The following LRBA variants were observed in gnomAD, a reference collection of about 807,000 sequenced individuals.
LRBA encodes the protein LPS responsive beige-like anchor protein, also known as lipopolysaccharide-responsive and beige-like anchor protein.
A neutral mutation model predicts 330.0 loss-of-function variants in LRBA; 176 were observed. That is an observed-to-expected ratio of 0.53 (90% CI 0.47 to 0.60). The LOEUF is 0.60. Ranked by LOEUF, LRBA falls within the 20% of genes least tolerant of loss-of-function variation. The pLI is 0.00. For synonymous variants in LRBA, 1,230 were observed against 1,193.0 expected, an observed-to-expected ratio of 1.03 and a Z score of -0.64; for missense variants, 3,259 against 3,444.8, an observed-to-expected ratio of 0.95 and a Z score of 1.35.
At chr4:150,392,113 G>A (rs770705435) in intron 47 of LRBA, among the ~76,000 whole-genome samples, 13 of 151,650 alleles carry the variant, frequency 8.6e-5, no homozygotes, top group Non-Finnish European at 1.5e-4. Context: ...CCAGCTACAC[G>A]GAACTGTTCA....
At chr4:150,706,611 A>T (rs1228924141) in intron 36 of LRBA, among the ~76,000 whole-genome samples, 3 of 151,616 alleles carry the variant, frequency 2.0e-5, no homozygotes, top group East Asian at 3.9e-4. Context: ...AAAAAAAAAA[A>T]TTTAACTTCT....
In LRBA at chr4:150,420,377, A is replaced by G. The variant is rs184053828; in HGVS notation, c.7042-4787T>C. Among the ~76,000 whole-genome samples, 751 of 124,194 alleles carry G rather than the reference A, an allele frequency of 6.0e-3. 19 individuals are homozygous for G. The highest frequency in any genetic ancestry group is 0.023 in the African/African-American group (641 of 28,156). The allele number at this position is 124,194 out of a possible 152,430, so 81.5% of individuals were successfully genotyped here. A position where few individuals can be genotyped will look rare whatever the true frequency, so the allele number is the denominator to read the frequency against. Reference sequence around the variant, plus strand: ...CATTATAGTATAAAGTATATATAATACACATTATAGTATATATAAAGTATA... The same window carrying G: ...CATTATAGTATAAAGTATATATAATGCACATTATAGTATATATAAAGTATA... On this transcript the variant is annotated intron_variant, in intron 46 of 56. Transcript: ENST00000651943.
At chr4:150,913,658 A>C (rs1466718658) in intron 9 of LRBA, among the ~76,000 whole-genome samples, 1 of 152,184 alleles carries the variant, frequency 6.6e-6, no homozygotes, top group Non-Finnish European at 1.5e-5. Flanking sequence ...TGGTGTTGCT[A>C]TCTACTTCTT....
At chr4:150,885,124 A>G (rs1343407829) in intron 17 of LRBA, among the ~76,000 whole-genome samples, 2 of 151,980 alleles carry the variant, frequency 1.3e-5, no homozygotes, top group Non-Finnish European at 2.9e-5. Context: ...CAGAGAAAAA[A>G]ATGGGAACAC....
chr4:150,749,401 G>T (rs959214429), intron 35 of LRBA, among the ~76,000 whole-genome samples: 3 of 151,938 alleles, frequency 2.0e-5, no homozygotes, highest in Non-Finnish European at 1.5e-5. Context: ...GAGACTCCAC[G>T]TCTATTTTTA....
Position 150,265,599 on chromosome 4 carries a change from A to AACTT in LRBA, c.*119_*122dup. 1.5e-6 allele frequency: 1 copy of AACTT among 651,710 alleles called. No individual in the cohort carries two copies. Among genetic ancestry groups the AACTT allele is most frequent in the Non-Finnish European group, 2.7e-6 (1 of 364,334 alleles). The allele number at this position is 651,710 out of a possible 1,614,324, so 40.4% of individuals were successfully genotyped here. On this transcript the variant is annotated 3_prime_UTR_variant, in exon 57 of 57. Coordinates refer to ENST00000651943, the MANE Select transcript of LRBA (RefSeq NM_001364905.1). ...GACTACAAAAATAGCAATTATTAAT[A>AACTT]ACTTTAAAAAATATTTTGCTTCTTT...
intron 22 of LRBA, among the ~76,000 whole-genome samples, chr4:150,856,096 C>T (rs987870456): frequency 1.3e-5 from 2 of 152,168 alleles, no homozygotes; most frequent in Admixed American, 6.5e-5. Flanking sequence ...CTAAGCTCAC[C>T]ATGGTGAACC....
intron 47 of LRBA, among the ~76,000 whole-genome samples, chr4:150,362,656 T>A (rs1434500101): frequency 1.3e-5 from 2 of 152,134 alleles, no homozygotes; most frequent in Non-Finnish European, 2.9e-5. Flanking sequence ...GTCCAGGAAC[T>A]CCTTTTGGCC....
chr4:150,512,951 A>T (rs1761984776), intron 40 of LRBA, among the ~76,000 whole-genome samples: 1 of 152,256 alleles, frequency 6.6e-6, no homozygotes, highest in Non-Finnish European at 1.5e-5. Flanking sequence ...TAATAGTAAC[A>T]TAATAGCTTC....
At chr4:150,674,188 G>GT (rs1782323518) in intron 37 of LRBA, among the ~76,000 whole-genome samples, 2 of 150,436 alleles carry the variant, frequency 1.3e-5, no homozygotes, top group Non-Finnish European at 1.5e-5. Context: ...TTGGTTTTGG[G>GT]GTTTTTTTTT....
chr4:150,631,627 ATTAACACTGAG>A (rs1279669594), intron 37 of LRBA, among the ~76,000 whole-genome samples: 7 of 152,238 alleles, frequency 4.6e-5, no homozygotes, highest in African/African-American at 9.6e-5. Flanking sequence ...CCCAAATGTC[ATTAACACTGAG>A]TTAATACTGG....
At chr4:150,985,278 T>C (rs1169339418) in intron 2 of LRBA, among the ~76,000 whole-genome samples, 2 of 150,914 alleles carry the variant, frequency 1.3e-5, no homozygotes, top group Non-Finnish European at 3.0e-5. Flanking sequence ...AAAAAGCTTA[T>C]ATTTTAAATT....
rs371523545 is a variant in LRBA, at chr4:150,849,033, T to A, written c.4159-35A>T. On this transcript the variant is annotated intron_variant, in intron 25 of 56. Transcript: ENST00000651943. ...ATAAAGTTTGACATTTATATATATA[T>A]ATTCTGAAAAAAAAATTTTACCAGA... The A allele has an allele frequency of 6.3e-6, 9 of 1,438,980 alleles. No homozygotes were observed. The East Asian group carries it at 1.9e-4, about 31-fold the overall frequency. 89.1% of individuals were successfully genotyped at this position (1,438,980 alleles called of 1,614,324 possible).
chr4:150,381,452 T>C (rs1403419512), intron 47 of LRBA, among the ~76,000 whole-genome samples: 2 of 152,240 alleles, frequency 1.3e-5, no homozygotes, highest in East Asian at 1.9e-4. Flanking sequence ...AATCATACAA[T>C]ATGTGGCTTT....
chr4:150,991,251 T>C (rs1742050212), intron 2 of LRBA, among the ~76,000 whole-genome samples: 1 of 152,120 alleles, frequency 6.6e-6, no homozygotes, highest in South Asian at 2.1e-4. Context: ...ACTACATTAC[T>C]GGTAGGAATG....
intron 38 of LRBA, chr4:150,597,160 T>G: frequency 1.1e-6 from 1 of 943,804 alleles, no homozygotes; most frequent in Non-Finnish European, 1.6e-6. Flanking sequence ...TCAATTACTA[T>G]CGAGAGTAAT....
At chr4:150,814,173 C>G (rs1160881267) in intron 31 of LRBA, among the ~76,000 whole-genome samples, 1 of 151,902 alleles carries the variant, frequency 6.6e-6, no homozygotes, top group Non-Finnish European at 1.5e-5. Flanking sequence ...AAGATGGAAC[C>G]ATCTATATAT....
At chr4:150,526,591 T>C (rs1763501932) in intron 40 of LRBA, among the ~76,000 whole-genome samples, 1 of 152,166 alleles carries the variant, frequency 6.6e-6, no homozygotes, top group Admixed American at 6.5e-5. Flanking sequence ...TTACGAAAAT[T>C]TTCAGACCTT....
At chr4:150,300,577 CAGA>C (rs914081475) in intron 53 of LRBA, among the ~76,000 whole-genome samples, 68 of 152,032 alleles carry the variant, frequency 4.5e-4, no homozygotes, top group African/African-American at 1.6e-3. Flanking sequence ...ACAGACAAGA[CAGA>C]AGGACCACAG....
Sources: allele counts gnomAD v4.1 joint callset (sites outside exome capture counted in the v4.1 genomes callset), GRCh38; gene constraint gnomAD v4.1.1; transcripts MANE v1.5; gene names NCBI Gene and HGNC (gene_info 2026-07-23, HGNC 2026-07-21).